The following SIDT1 variants were observed in gnomAD, a reference collection of about 807,000 sequenced individuals.
SIDT1 encodes SID1 transmembrane family member 1.
SIDT1 carries 101 observed loss-of-function variants against 107.5 expected under a neutral mutation model. That is an observed-to-expected ratio of 0.94 (90% confidence interval 0.80 to 1.11). The LOEUF is 1.11. Ranked by LOEUF, SIDT1 falls within the 50% of genes least tolerant of loss-of-function variation. The pLI, the probability that SIDT1 is intolerant of heterozygous loss-of-function variation, is 0.00. For missense variants in SIDT1, 1,076 were observed against 1,058.2 expected (o/e 1.02, Z -0.23); for synonymous variants, 395 against 398.2 (o/e 0.99, Z 0.10).
intron 21 of SIDT1, among the ~76,000 whole-genome samples, chr3:113,623,148 G>C (rs1484421252): frequency 7.3e-6 from 1 of 136,162 alleles, no homozygotes; most frequent in Non-Finnish European, 1.5e-5. Context: ...CCGTGATGGT[G>C]CCATTGCACT....
intron 9 of SIDT1, among the ~76,000 whole-genome samples, chr3:113,587,121 A>G (rs73855954): frequency 0.013 from 1,999 of 152,314 alleles, 43 homozygotes; most frequent in African/African-American, 0.046. Context: ...ATATTTAGGA[A>G]TAAAAGTTTA....
intron 9 of SIDT1, among the ~76,000 whole-genome samples, chr3:113,588,134 A>G (rs1056128666): frequency 9.2e-5 from 14 of 152,234 alleles, no homozygotes; most frequent in Admixed American, 8.5e-4. Flanking sequence ...CAATCGCTCT[A>G]AAGTTGTTAT....
intron 1 of SIDT1, among the ~76,000 whole-genome samples, chr3:113,545,272 G>A (rs1056720593): frequency 2.0e-5 from 3 of 152,136 alleles, no homozygotes; most frequent in Middle Eastern, 3.4e-3. Flanking sequence ...TTTCCAACTA[G>A]TGATCTTTAA....
rs1946963344 is a variant in SIDT1 at position 113,627,980 on chromosome 3, A to G, written c.*272A>G. 2.2e-6 allele frequency: 1 copy of G among 459,906 alleles called. No homozygotes were observed. Among genetic ancestry groups the G allele is most frequent in the Non-Finnish European group, 3.9e-6 (1 of 253,220 alleles). 28.5% of individuals were successfully genotyped at this position (459,906 alleles called of 1,614,324 possible). A position where few individuals can be genotyped will look rare whatever the true frequency, so the allele number is the denominator to read the frequency against. ...CTGCAGCTTTGGGAGTGCAACAGGG[A>G]TAGGCACTGCATCCAAGTCAACTCA... is the stretch of plus-strand genomic sequence containing the variant. On this transcript the variant is annotated 3_prime_UTR_variant, in exon 25 of 25. Coordinates refer to ENST00000264852, the MANE Select transcript of SIDT1 (RefSeq NM_017699.3).
intron 20 of SIDT1, among the ~76,000 whole-genome samples, chr3:113,616,420 A>G (rs981752457): frequency 2.6e-5 from 4 of 152,188 alleles, no homozygotes; most frequent in Admixed American, 6.5e-5. Context: ...GAGAAAATAC[A>G]TCTACCCAAC....
At chr3:113,583,865 T>C (rs762083222) in intron 7 of SIDT1, among the ~76,000 whole-genome samples, 5 of 152,200 alleles carry the variant, frequency 3.3e-5, no homozygotes, top group Non-Finnish European at 5.9e-5. Context: ...CCAGTAGCCA[T>C]GGAGCTACTT....
rs1030819431 is a variant in SIDT1 at position 113,532,700 on chromosome 3, G to T, written c.-322G>T. ...GGAGAAGAGATCGGTCTAAATTCTG[G>T]CTGGGTAAGTGGGGGGATTCTCGGC... On this transcript the variant is annotated 5_prime_UTR_variant, in exon 1 of 25. Coordinates refer to ENST00000264852, the MANE Select transcript of SIDT1 (RefSeq NM_017699.3). The T allele has an allele frequency of 9.9e-6, 3 of 301,922 alleles. No homozygotes were observed. Among genetic ancestry groups the T allele is most frequent in the South Asian group, 1.5e-4 (1 of 6,500 alleles). The allele number at this position is 301,922 out of a possible 1,614,324, so 18.7% of individuals were successfully genotyped here.
intron 1 of SIDT1, among the ~76,000 whole-genome samples, chr3:113,552,563 C>T (rs1440727357): frequency 2.6e-5 from 4 of 152,170 alleles, no homozygotes; most frequent in African/African-American, 7.2e-5. Context: ...GACAACATTT[C>T]GGGACCAAGG....
At chr3:113,580,114 G>A (rs1943214000) in intron 4 of SIDT1, among the ~76,000 whole-genome samples, 2 of 152,186 alleles carry the variant, frequency 1.3e-5, no homozygotes, top group Admixed American at 6.5e-5. Context: ...GATCAAAAGG[G>A]CAAGGGGGAG....
Position 113,627,917 on chromosome 3 carries a change from G to A in SIDT1, c.*209G>A, listed in dbSNP as rs1462239035. On this transcript the variant is annotated 3_prime_UTR_variant, in exon 25 of 25. Transcript: ENST00000264852. ...GGGGAGCCATGTTTTGAGGACAGAC[G>A]CAAACCTGAGGAGCTGAGAAACACT... is the stretch of plus-strand genomic sequence containing the variant. 14 of 576,846 alleles carry A rather than the reference G, an allele frequency of 2.4e-5. No homozygotes were observed. Among genetic ancestry groups the A allele is most frequent in the South Asian group, 1.5e-4 (7 of 48,084 alleles). The allele number at this position is 576,846 out of a possible 1,614,324, so 35.7% of individuals were successfully genotyped here.
rs1560110856 is a variant in SIDT1 at position 113,604,967 on chromosome 3, C to A, written c.1395C>A (p.Thr465=). ...TGCCCGTGATCCAGCTGGTCATTACCTATCAGACAGTAAGTGCTGCCCCAG... is the reference window on the plus strand; with the variant it reads ...TGCCCGTGATCCAGCTGGTCATTACATATCAGACAGTAAGTGCTGCCCCAG... ...YALPVIQLVI[T]YQTVVNVTGN... Residue 465 remains threonine, a synonymous_variant, in exon 14 of 25, where the codon ACC becomes ACA. Coordinates refer to ENST00000264852, the MANE Select transcript of SIDT1 (RefSeq NM_017699.3). 1.2e-6 allele frequency: 2 copies of A among 1,613,970 alleles called. No individual in the cohort carries two copies. The highest frequency in any genetic ancestry group is 2.2e-5 in the South Asian group (2 of 91,088).
At chr3:113,594,871 T>C (rs1944427428) in intron 10 of SIDT1, 1 of 154,336 alleles carries the variant, frequency 6.5e-6, no homozygotes, top group South Asian at 2.0e-4. Context: ...ATGAGTCCAG[T>C]GGCTCTGGTC....
rs754844935 is a variant in SIDT1 at position 113,611,104 on chromosome 3, C to T, written c.1817C>T (p.Ala606Val). Residue 606 changes from alanine to valine, a missense_variant, in exon 18 of 25, where the codon GCC (alanine) becomes GTC (valine). Ala to Val is a moderately conservative substitution (Grantham distance 64). Coordinates refer to ENST00000264852, the MANE Select transcript of SIDT1 (RefSeq NM_017699.3). ...AATGCCAGCGCCTACTCTGCCTATG[C>T]CTCCTTTGCTGTGGTCATCATGGTC... ...DINASAYSAY[A>V]SFAVVIMVTV... 4 of 1,614,132 alleles carry T rather than the reference C, an allele frequency of 2.5e-6. No homozygotes were observed. The highest frequency in any genetic ancestry group is 3.4e-6 in the Non-Finnish European group (4 of 1,180,018).
intron 17 of SIDT1, among the ~76,000 whole-genome samples, chr3:113,610,647 T>C (rs1258122288): frequency 6.6e-6 from 1 of 152,194 alleles, no homozygotes; most frequent in African/African-American, 2.4e-5. Flanking sequence ...TTATCACCAT[T>C]AGGAATTCTT....
At chr3:113,582,803 C>A (rs1943461280) in intron 6 of SIDT1, among the ~76,000 whole-genome samples, 1 of 152,066 alleles carries the variant, frequency 6.6e-6, no homozygotes, top group African/African-American at 2.4e-5. Flanking sequence ...AATAAATAAG[C>A]CATTTTCTCA....
At chr3:113,544,027 C>G (rs539990343) in intron 1 of SIDT1, among the ~76,000 whole-genome samples, 1 of 152,188 alleles carries the variant, frequency 6.6e-6, no homozygotes, top group South Asian at 2.1e-4. Context: ...TTTTATATAA[C>G]TTAGTCAAAT....
intron 1 of SIDT1, among the ~76,000 whole-genome samples, chr3:113,546,064 A>G (rs189416794): frequency 6.6e-6 from 1 of 152,250 alleles, no homozygotes; most frequent in Non-Finnish European, 1.5e-5. Flanking sequence ...GAGGCAGAGC[A>G]GTACTGGGGA....
At chr3:113,598,021 T>C (rs766047670) in intron 10 of SIDT1, among the ~76,000 whole-genome samples, 2 of 152,244 alleles carry the variant, frequency 1.3e-5, no homozygotes, top group Non-Finnish European at 2.9e-5. Flanking sequence ...TGTTATCCCA[T>C]GTTGGCCAAT....
chr3:113,554,279 G>C (rs1016844672), intron 1 of SIDT1, among the ~76,000 whole-genome samples: 2 of 152,052 alleles, frequency 1.3e-5, no homozygotes, highest in African/African-American at 4.8e-5. Flanking sequence ...ATGTTAAAAG[G>C]GTCCCAAGTG....
Sources: gnomAD v4.1 joint callset for allele counts (sites outside exome capture counted in the v4.1 genomes callset) on GRCh38, gnomAD v4.1.1 for gene constraint, MANE v1.5 for transcripts, NCBI Gene and HGNC (gene_info 2026-07-23, HGNC 2026-07-21) for gene names.